The following UBAC2 variants were observed in gnomAD, a reference collection of about 807,000 sequenced individuals.
The protein encoded by UBAC2 is ubiquitin-associated domain-containing protein 2.
UBAC2 carries 26 observed loss-of-function variants against 44.0 expected under a neutral mutation model. That is an observed-to-expected ratio of 0.59 (90% CI 0.43 to 0.82). The LOEUF (loss-of-function observed/expected upper bound fraction) is 0.82. Ranked by LOEUF, UBAC2 falls within the 40% of genes least tolerant of loss-of-function variation. The pLI, the probability that UBAC2 is intolerant of heterozygous loss-of-function variation, is 0.00. For missense variants in UBAC2, 329 were observed against 419.4 expected, an observed-to-expected ratio of 0.78 and a Z score of 1.88; for synonymous variants, 155 against 154.3, an observed-to-expected ratio of 1.00 and a Z score of -0.04.
chr13:99,210,056 A>G (rs1375762666), intron 1 of UBAC2, among the ~76,000 whole-genome samples: 2 of 152,228 alleles, frequency 1.3e-5, no homozygotes, highest in Non-Finnish European at 2.9e-5. Flanking sequence ...GGATGCTTTT[A>G]GAAAATGTTT....
At chr13:99,378,989 A>C (rs1716747541) in intron 8 of UBAC2, among the ~76,000 whole-genome samples, 1 of 152,262 alleles carries the variant, frequency 6.6e-6, no homozygotes, top group Non-Finnish European at 1.5e-5. Flanking sequence ...AAAAGTTGTC[A>C]AGGTATAACA....
chr13:99,345,010 GTGTGGACTGA>G (rs2044952380), intron 7 of UBAC2, among the ~76,000 whole-genome samples: 1 of 152,216 alleles, frequency 6.6e-6, no homozygotes, highest in African/African-American at 2.4e-5. Flanking sequence ...AGAGCCACTG[GTGTGGACTGA>G]TGCTGCCAAA....
intron 4 of UBAC2, among the ~76,000 whole-genome samples, chr13:99,283,213 G>A (rs2043975809): frequency 6.6e-6 from 1 of 152,166 alleles, no homozygotes; most frequent in African/African-American, 2.4e-5. Flanking sequence ...GATTCAGAGA[G>A]CAACTTGGTC....
chr13:99,345,945 G>T (rs2044972616), intron 7 of UBAC2, among the ~76,000 whole-genome samples: 1 of 152,046 alleles, frequency 6.6e-6, no homozygotes, highest in Non-Finnish European at 1.5e-5. Context: ...GTTTCACCAT[G>T]TTGGCCAGGC....
chr13:99,256,772 T>TG, intron 4 of UBAC2, among the ~76,000 whole-genome samples: 1 of 151,430 alleles, frequency 6.6e-6, no homozygotes. Context: ...CAAATATCAT[T>TG]GACTCCTCAG....
chr13:99,237,516 G>A (rs1458285441), intron 1 of UBAC2, among the ~76,000 whole-genome samples: 1 of 152,136 alleles, frequency 6.6e-6, no homozygotes, highest in Non-Finnish European at 1.5e-5. Context: ...AAAAGAGGTT[G>A]ATTAATGGGT....
chr13:99,236,384 A>G (rs1254510762), intron 1 of UBAC2, among the ~76,000 whole-genome samples: 2 of 152,238 alleles, frequency 1.3e-5, no homozygotes, highest in African/African-American at 4.8e-5. Context: ...CAAATAGTCC[A>G]TTTTAAAAGT....
In UBAC2 at chr13:99,320,726, T is replaced by C. The variant is rs578213505; in HGVS notation, c.561+2657T>C. Reference sequence around the variant, plus strand: ...AAATTCTCATTTTTATTATGAAATATTTACTGTGATGTGGCATACTTTAGA... The same window carrying C: ...AAATTCTCATTTTTATTATGAAATACTTACTGTGATGTGGCATACTTTAGA... On this transcript the variant is annotated intron_variant, in intron 6 of 8. Coordinates refer to ENST00000403766, the MANE Select transcript of UBAC2 (RefSeq NM_001144072.2). Among the ~76,000 whole-genome samples, 4 of 152,348 alleles carry C rather than the reference T, an allele frequency of 2.6e-5. No homozygotes were observed. In the East Asian group the frequency reaches 7.7e-4, roughly 29 times the overall value.
At chr13:99,334,706 G>T (rs537314158) in intron 6 of UBAC2, among the ~76,000 whole-genome samples, 1 of 152,052 alleles carries the variant, frequency 6.6e-6, no homozygotes, top group Admixed American at 6.6e-5. Flanking sequence ...ACAAAAGAAC[G>T]TAGGAAAGGG....
At chr13:99,369,040 A>G (rs2045371667) in intron 8 of UBAC2, among the ~76,000 whole-genome samples, 1 of 152,184 alleles carries the variant, frequency 6.6e-6, no homozygotes, top group African/African-American at 2.4e-5. Context: ...AAAGGATAGT[A>G]AGAATACATG....
chr13:99,314,667 C>T (rs12100212), intron 5 of UBAC2: 39,503 of 152,992 alleles, frequency 0.26, 5,934 homozygotes, highest in African/African-American at 0.42. Flanking sequence ...TTGGGGTTTT[C>T]AAGAAGCATT....
intron 4 of UBAC2, among the ~76,000 whole-genome samples, chr13:99,290,728 CAAAAAA>C (rs35343898): frequency 2.1e-5 from 2 of 93,788 alleles, no homozygotes; most frequent in East Asian, 6.5e-4. Flanking sequence ...GTTTCACCAC[CAAAAAA>C]AAAAAAAAAA....
At chr13:99,356,142 A>T (rs2045178391) in intron 7 of UBAC2, 1 of 534,460 alleles carries the variant, frequency 1.9e-6, no homozygotes, top group African/African-American at 1.9e-5. Context: ...TACACAGTAG[A>T]AGCATCCCTT....
chr13:99,291,085 G>C (rs2044083852), intron 4 of UBAC2, among the ~76,000 whole-genome samples: 1 of 152,156 alleles, frequency 6.6e-6, no homozygotes, highest in Admixed American at 6.5e-5. Flanking sequence ...CGGAGAGTGT[G>C]GGATTAAACC....
At chr13:99,232,422 T>TATATATATATATATATATATATA (rs1566458503) in intron 1 of UBAC2, among the ~76,000 whole-genome samples, 7 of 56,464 alleles carry the variant, frequency 1.2e-4, no homozygotes, top group Non-Finnish European at 2.3e-4. Flanking sequence ...ATATATATAT[T>TATATATATATATATATATATATA]CACACACACA....
intron 4 of UBAC2, chr13:99,258,595 A>T (rs2043609440): frequency 1.3e-5 from 2 of 151,160 alleles, no homozygotes; most frequent in African/African-American, 4.9e-5. Context: ...ATCTATGGAA[A>T]GAGAAGATTT....
chr13:99,282,926 T>C (rs954581982), intron 4 of UBAC2, among the ~76,000 whole-genome samples: 1 of 152,204 alleles, frequency 6.6e-6, no homozygotes, highest in Non-Finnish European at 1.5e-5. Context: ...GTGCTTGAAA[T>C]CTAATGTGCT....
At chr13:99,240,617 G>C (rs764567740) in intron 2 of UBAC2, among the ~76,000 whole-genome samples, 6 of 152,170 alleles carry the variant, frequency 3.9e-5, no homozygotes, top group Non-Finnish European at 8.8e-5. Flanking sequence ...GTCCTTGGCA[G>C]TTTCCTATGT....
chr13:99,337,539 A>G (rs1183373420), intron 6 of UBAC2, among the ~76,000 whole-genome samples: 1 of 152,118 alleles, frequency 6.6e-6, no homozygotes, highest in Non-Finnish European at 1.5e-5. Flanking sequence ...TCGTTTTAGC[A>G]TTCTTTTAGG....
Sources: gnomAD v4.1 joint callset for allele counts (sites outside exome capture counted in the v4.1 genomes callset) on GRCh38, gnomAD v4.1.1 for gene constraint, MANE v1.5 for transcripts, NCBI Gene and HGNC (gene_info 2026-07-23, HGNC 2026-07-21) for gene names.